NDST3: variants seen among roughly 807,000 people sequenced by gnomAD.
The protein encoded by NDST3 is bifunctional heparan sulfate N-deacetylase/N-sulfotransferase 3.
Under a neutral mutation model 96.1 loss-of-function variants are expected in NDST3, and 58 were observed. The ratio of observed to expected loss-of-function variants is 0.60; its 90% CI spans 0.49 to 0.75. The LOEUF is 0.75. Ranked by LOEUF, NDST3 falls within the 30% of genes least tolerant of loss-of-function variation. The probability of loss-of-function intolerance (pLI) is 0.00; values close to 1 mark genes in which losing one functional copy is unlikely to be tolerated. For synonymous variants in NDST3, 333 were observed against 359.7 expected (o/e 0.93, Z 0.84); for missense variants, 788 against 1,034.2 (o/e 0.76, Z 3.27).
intron 6 of NDST3, among the ~76,000 whole-genome samples, chr4:118,201,070 G>C (rs1437843855): frequency 2.6e-5 from 4 of 152,172 alleles, no homozygotes; most frequent in Admixed American, 6.5e-5. Flanking sequence ...AATTTGCTGA[G>C]GATTATGGCC....
intron 4 of NDST3, among the ~76,000 whole-genome samples, chr4:118,132,027 A>G: frequency 6.6e-6 from 1 of 152,028 alleles, no homozygotes; most frequent in Middle Eastern, 3.2e-3. Flanking sequence ...TCAGCACAGC[A>G]CTGAGTCTTG....
At chr4:118,133,371 T>TC (rs1215013584) in intron 4 of NDST3, among the ~76,000 whole-genome samples, 3 of 151,940 alleles carry the variant, frequency 2.0e-5, no homozygotes, top group African/African-American at 7.3e-5. Flanking sequence ...CAATGTAAAG[T>TC]CCCCCTGTCA....
At chr4:118,080,117 T>C (rs1180819416) in intron 2 of NDST3, among the ~76,000 whole-genome samples, 1 of 152,144 alleles carries the variant, frequency 6.6e-6, no homozygotes, top group Non-Finnish European at 1.5e-5. Flanking sequence ...GCAGCACTTA[T>C]TACTCAGATG....
intron 3 of NDST3, among the ~76,000 whole-genome samples, chr4:118,111,534 GA>G (rs1431613260): frequency 1.2e-5 from 1 of 80,592 alleles, no homozygotes; most frequent in African/African-American, 3.3e-5. Flanking sequence ...TTTTAATCAT[GA>G]TTTTTTTTTT....
At chr4:118,235,935 G>C (rs1740614722) in intron 9 of NDST3, among the ~76,000 whole-genome samples, 1 of 152,136 alleles carries the variant, frequency 6.6e-6, no homozygotes, top group African/African-American at 2.4e-5. Context: ...TTAACAACTG[G>C]AATCCTACCA....
At chr4:118,178,361 A>G (rs1736398886) in intron 6 of NDST3, among the ~76,000 whole-genome samples, 1 of 151,988 alleles carries the variant, frequency 6.6e-6, no homozygotes, top group East Asian at 1.9e-4. Flanking sequence ...ATCCTTAGCA[A>G]CTACTATTCT....
chr4:118,163,552 G>A (rs1271680923), intron 6 of NDST3, among the ~76,000 whole-genome samples: 1 of 151,976 alleles, frequency 6.6e-6, no homozygotes, highest in Non-Finnish European at 1.5e-5. Flanking sequence ...ACTGAACAAT[G>A]AGAACACATG....
At chr4:118,159,113 C>A (rs745331718) in intron 6 of NDST3, among the ~76,000 whole-genome samples, 12 of 152,156 alleles carry the variant, frequency 7.9e-5, no homozygotes, top group Admixed American at 3.9e-4. Flanking sequence ...CATTTTTGTA[C>A]ATTGAACATT....
At chr4:118,058,000 A>C (rs1255615459) in intron 2 of NDST3, among the ~76,000 whole-genome samples, 1 of 152,052 alleles carries the variant, frequency 6.6e-6, no homozygotes, top group Non-Finnish European at 1.5e-5. Flanking sequence ...ATCAAAAATC[A>C]TGAGGTCTAA....
intron 6 of NDST3, among the ~76,000 whole-genome samples, chr4:118,222,501 G>C (rs977920372): frequency 2.6e-5 from 4 of 151,964 alleles, no homozygotes; most frequent in African/African-American, 9.7e-5. Context: ...CTTGAGTACA[G>C]AGTCTAAAAG....
intron 4 of NDST3, among the ~76,000 whole-genome samples, chr4:118,120,102 A>AATGTTTGCTAAAT: frequency 6.6e-6 from 1 of 152,148 alleles, no homozygotes; most frequent in South Asian, 2.1e-4. Context: ...GTAGGTAGTA[A>AATGTTTGCTAAAT]ATGTTTGCTA....
chr4:118,130,222 A>C (rs550031000), intron 4 of NDST3, among the ~76,000 whole-genome samples: 42 of 151,986 alleles, frequency 2.8e-4, no homozygotes, highest in Admixed American at 2.2e-3. Flanking sequence ...TACTCCTGCC[A>C]CTTTGTTATT....
chr4:118,179,429 A>G (rs1736464403), intron 6 of NDST3, among the ~76,000 whole-genome samples: 1 of 152,088 alleles, frequency 6.6e-6, no homozygotes, highest in South Asian at 2.1e-4. Context: ...TTAGATCATA[A>G]TGCAAGCCCT....
chr4:118,061,706 G>C (rs1213805837), intron 2 of NDST3, among the ~76,000 whole-genome samples: 2 of 152,084 alleles, frequency 1.3e-5, no homozygotes, highest in African/African-American at 2.4e-5. Context: ...TGTATCTCCA[G>C]CACAGAGAAA....
intron 2 of NDST3, 106 bp from the exon 3 acceptor site, chr4:118,104,912 T>C (rs956027496): frequency 5.2e-6 from 4 of 769,654 alleles, no homozygotes; most frequent in Non-Finnish European, 6.4e-6. Flanking sequence ...AATTCTCACA[T>C]GTATAAGGAA....
rs533325328 is a variant in NDST3, at chr4:118,244,503, T to G, written c.2399+2354T>G. Among the ~76,000 whole-genome samples, 3 of 152,266 alleles carry G rather than the reference T, an allele frequency of 2.0e-5. No homozygotes were observed. In the South Asian group the frequency reaches 6.2e-4, roughly 32 times the overall value. ...ATTGGTGCTTAAAATTTTTTTTTTC[T>G]CATTGGAAGTCCTCTAAGGATATAG... On this transcript the variant is annotated intron_variant, in intron 12 of 13. Transcript: ENST00000296499.
chr4:118,228,650 G>C (rs1369247507), intron 8 of NDST3, among the ~76,000 whole-genome samples: 1 of 151,976 alleles, frequency 6.6e-6, no homozygotes, highest in Admixed American at 6.5e-5. Flanking sequence ...GCTGAATTTT[G>C]AACATTGCAC....
intron 1 of NDST3, among the ~76,000 whole-genome samples, chr4:118,049,958 G>A (rs537711438): frequency 4.3e-4 from 65 of 152,086 alleles, no homozygotes; most frequent in Non-Finnish European, 7.4e-4. Context: ...CAATATCTCC[G>A]ATGAACATAG....
At chr4:118,176,552 C>T (rs1007977877) in intron 6 of NDST3, among the ~76,000 whole-genome samples, 48 of 152,094 alleles carry the variant, frequency 3.2e-4, no homozygotes, top group African/African-American at 1.2e-3. Context: ...ACTTCTCTAG[C>T]TTTGTACCCT....
Sources: gnomAD v4.1 joint callset for allele counts (sites outside exome capture counted in the v4.1 genomes callset) on GRCh38, gnomAD v4.1.1 for gene constraint, MANE v1.5 for transcripts, NCBI Gene and HGNC (gene_info 2026-07-23, HGNC 2026-07-21) for gene names.